Variants in SPRY3 observed in about 807,000 individuals in gnomAD.
SPRY3 encodes the protein sprouty RTK signaling antagonist 3.
A neutral mutation model predicts 20.2 loss-of-function variants in SPRY3; 15 were observed. That is an observed-to-expected ratio of 0.74 (90% CI 0.50 to 1.14). The LOEUF (loss-of-function observed/expected upper bound fraction) is 1.14, where lower values mean the gene tolerates loss of function less well. Ranked by LOEUF, SPRY3 falls within the 50% of genes most tolerant of loss-of-function variation. The pLI, the probability that SPRY3 is intolerant of heterozygous loss-of-function variation, is 0.00. For missense variants in SPRY3, 364 were observed against 363.9 expected (o/e 1.00, Z 0.00); for synonymous variants, 143 against 136.5 (o/e 1.05, Z -0.33).
At chrX:155,691,216 C>CA (rs1395470058) in intron 2 of SPRY3, among the ~76,000 whole-genome samples, 1 of 87,020 alleles carries the variant, frequency 1.1e-5, no homozygotes, top group African/African-American at 5.5e-5. Context: ...AACTTTGCCG[C>CA]AAAATATTTC....
intron 1 of SPRY3, among the ~76,000 whole-genome samples, chrX:155,621,023 T>C (rs981419516): frequency 9.9e-5 from 11 of 111,621 alleles, no homozygotes; most frequent in Non-Finnish European, 1.9e-4. Context: ...ACCAGTGCTA[T>C]TTCTACAACA....
chrX:155,674,620 A>G (rs1000163025), intron 2 of SPRY3, among the ~76,000 whole-genome samples: 1 of 111,062 alleles, frequency 9.0e-6, no homozygotes, highest in Admixed American at 9.6e-5. Flanking sequence ...TGCATATTAT[A>G]CTTTAATTAA....
At chrX:155,754,677 G>A (rs2091277046) in intron 2 of SPRY3, among the ~76,000 whole-genome samples, 2 of 151,870 alleles carry the variant, frequency 1.3e-5, no homozygotes, top group Non-Finnish European at 1.5e-5. Flanking sequence ...AGATCACTTT[G>A]GAGAGTATTT....
At chrX:155,673,978 T>C (rs1199499667) in intron 2 of SPRY3, among the ~76,000 whole-genome samples, 4 of 111,901 alleles carry the variant, frequency 3.6e-5, no homozygotes, top group Non-Finnish European at 7.5e-5. Flanking sequence ...GGTGTTTTAC[T>C]CTCTATTATG....
intron 2 of SPRY3, among the ~76,000 whole-genome samples, chrX:155,709,102 G>A (rs1019031385): frequency 2.0e-5 from 3 of 151,542 alleles, no homozygotes; most frequent in East Asian, 1.9e-4. Flanking sequence ...CCAAATCTTG[G>A]CTATTGTGAA....
intron 1 of SPRY3, among the ~76,000 whole-genome samples, chrX:155,652,556 T>C (rs1433570254): frequency 8.9e-6 from 1 of 112,083 alleles, no homozygotes; most frequent in Non-Finnish European, 1.9e-5. Flanking sequence ...GGACCTGTTT[T>C]ATTTCTTTTT....
chrX:155,648,090 C>T (rs2067963606), intron 1 of SPRY3, among the ~76,000 whole-genome samples: 1 of 112,399 alleles, frequency 8.9e-6, no homozygotes, highest in Admixed American at 9.4e-5. Context: ...TTGTTAGCCT[C>T]ATAAATGTCT....
chrX:155,751,941 AATAAAATAAAATAAAATAAAATAAAAT>A (rs1419034828), intron 2 of SPRY3, among the ~76,000 whole-genome samples: 1 of 58,920 alleles, frequency 1.7e-5, no homozygotes, highest in Admixed American at 1.8e-4. Context: ...AATAAAATAA[AATAAAATAAAATAAAATAAAATAAAAT>A]AAAATAAAAT....
intron 1 of SPRY3, among the ~76,000 whole-genome samples, chrX:155,633,278 C>T (rs912482818): frequency 8.5e-5 from 9 of 105,905 alleles, no homozygotes; most frequent in Admixed American, 8.2e-4. Context: ...CGGTGGCTCA[C>T]GCCTGTAATT....
intron 2 of SPRY3, among the ~76,000 whole-genome samples, chrX:155,704,288 G>A (rs972631465): frequency 1.3e-5 from 2 of 151,638 alleles, no homozygotes; most frequent in Non-Finnish European, 2.9e-5. Context: ...CAAGATAGAT[G>A]GGTAATTTCT....
In SPRY3 at chrX:155,627,888, G is replaced by A. The variant is rs781947022; in HGVS notation, c.-441+15241G>A. On this transcript the variant is annotated intron_variant, in intron 1 of 3. Coordinates refer to ENST00000675360, the Ensembl canonical transcript of SPRY3. Reference sequence around the variant, plus strand: ...GTGTTCTCATTGTTCAGCTCCCACCGTGATTGAGAACATGCAGTGTTTGAT... The same window carrying A: ...GTGTTCTCATTGTTCAGCTCCCACCATGATTGAGAACATGCAGTGTTTGAT... Among the ~76,000 whole-genome samples, 360 of 107,397 alleles carry A rather than the reference G, an allele frequency of 3.4e-3. 3 individuals are homozygous for A. The highest frequency in any genetic ancestry group is 6.9e-3 in the South Asian group (16 of 2,334). 93.3% of individuals were successfully genotyped at this position (107,397 alleles called of 115,157 possible).
chrX:155,773,310 A>T (rs1447942179), intron 3 of SPRY3, among the ~76,000 whole-genome samples: 15 of 102,626 alleles, frequency 1.5e-4, no homozygotes, highest in African/African-American at 5.1e-4. Context: ...TTGATTGGAT[A>T]TATATATATA....
At chrX:155,704,371 AGAATGCCTTTG>A (rs2090933783) in intron 2 of SPRY3, among the ~76,000 whole-genome samples, 1 of 151,814 alleles carries the variant, frequency 6.6e-6, no homozygotes, top group African/African-American at 2.4e-5. Context: ...ACGGAGATGA[AGAATGCCTTTG>A]AGGGGCCCAA....
At chrX:155,679,362 C>CA (rs1171048657) in intron 2 of SPRY3, among the ~76,000 whole-genome samples, 1 of 106,301 alleles carries the variant, frequency 9.4e-6, no homozygotes, top group Admixed American at 1.0e-4. Flanking sequence ...AGTCCAAGAT[C>CA]AAGACACCAG....
intron 2 of SPRY3, among the ~76,000 whole-genome samples, chrX:155,765,515 G>A (rs1432752086): frequency 1.3e-5 from 2 of 152,194 alleles, no homozygotes; most frequent in Non-Finnish European, 2.9e-5. Context: ...CTGCCCACTT[G>A]AATGTCAATT....
rs192941742 is a variant in SPRY3, at chrX:155,630,309, T to G, written c.-441+17662T>G. On this transcript the variant is annotated intron_variant, in intron 1 of 3. Transcript: ENST00000675360. ...CTGAATTTGACTATGTCCTCACTTT[T>G]ACTAGAGAATTTCATACTTTCAAAT... Among the ~76,000 whole-genome samples, 12 of 112,407 alleles carry G rather than the reference T, an allele frequency of 1.1e-4. No individual in the cohort carries two copies. The Admixed American group carries it at 1.1e-3, about 11-fold the overall frequency.
At chrX:155,759,800 G>T (rs1193576750) in intron 2 of SPRY3, among the ~76,000 whole-genome samples, 1 of 152,056 alleles carries the variant, frequency 6.6e-6, no homozygotes, top group African/African-American at 2.4e-5. Flanking sequence ...ACACACAGAG[G>T]ACTTCTGTCC....
intron 3 of SPRY3, among the ~76,000 whole-genome samples, chrX:155,769,706 G>A (rs1196601267): frequency 6.6e-6 from 1 of 152,094 alleles, no homozygotes; most frequent in African/African-American, 2.4e-5. Flanking sequence ...AAGACTCCCT[G>A]GTTTGAAATA....
At chrX:155,674,239 A>T (rs140601295) in intron 2 of SPRY3, among the ~76,000 whole-genome samples, 1,423 of 110,822 alleles carry the variant, frequency 0.013, 13 homozygotes, top group Middle Eastern at 0.023. Context: ...CCTGATCGCC[A>T]TGAGTGCTGA....
Sources: gnomAD v4.1 joint callset for allele counts (sites outside exome capture counted in the v4.1 genomes callset) on GRCh38, gnomAD v4.1.1 for gene constraint, MANE v1.5 for transcripts, NCBI Gene and HGNC (gene_info 2026-07-23, HGNC 2026-07-21) for gene names.